ADCY8: variants seen among roughly 807,000 people sequenced by gnomAD.
ADCY8 encodes the protein adenylate cyclase 8.
Under a neutral mutation model 119.7 loss-of-function variants are expected in ADCY8, and 51 were observed. The ratio of observed to expected loss-of-function variants is 0.43; its 90% CI spans 0.34 to 0.54. The LOEUF is 0.54. Ranked by LOEUF, ADCY8 falls within the 20% of genes least tolerant of loss-of-function variation. ADCY8 has a pLI of 0.03. For missense variants in ADCY8, 1,383 were observed against 1,598.8 expected, an observed-to-expected ratio of 0.87 and a Z score of 2.30; for synonymous variants, 665 against 651.0, an observed-to-expected ratio of 1.02 and a Z score of -0.33.
intron 2 of ADCY8, among the ~76,000 whole-genome samples, chr8:130,971,292 G>A (rs1182798320): frequency 6.6e-6 from 1 of 152,168 alleles, no homozygotes; most frequent in East Asian, 1.9e-4. Flanking sequence ...ATTATTCCCA[G>A]TTACAGAAGC....
chr8:130,826,732 G>A (rs545197659), intron 12 of ADCY8, among the ~76,000 whole-genome samples: 11 of 149,586 alleles, frequency 7.4e-5, no homozygotes, highest in African/African-American at 2.4e-4. Context: ...GCCAGAAAGC[G>A]GAAACAGCAG....
intron 9 of ADCY8, among the ~76,000 whole-genome samples, chr8:130,850,057 CT>C (rs1272487454): frequency 6.6e-6 from 1 of 152,012 alleles, no homozygotes; most frequent in Admixed American, 6.5e-5. Flanking sequence ...TTTTTTCCCT[CT>C]TATTAATTTT....
intron 4 of ADCY8, among the ~76,000 whole-genome samples, chr8:130,941,996 C>A (rs1820970110): frequency 1.3e-5 from 2 of 152,142 alleles, no homozygotes; most frequent in Non-Finnish European, 2.9e-5. Context: ...ATAAAACAAC[C>A]ACCATAATAA....
intron 13 of ADCY8, among the ~76,000 whole-genome samples, chr8:130,817,298 T>A (rs263272): frequency 6.6e-6 from 1 of 152,114 alleles, no homozygotes; most frequent in African/African-American, 2.4e-5. Flanking sequence ...TATCACACTG[T>A]GAACTCATGA....
intron 12 of ADCY8, 97 bp from the exon 13 acceptor site, chr8:130,821,517 A>C (rs1466650438): frequency 9.3e-6 from 8 of 857,996 alleles, no homozygotes; most frequent in Non-Finnish European, 1.5e-5. Flanking sequence ...AAAAGAAAAA[A>C]ACACACATCT....
chr8:130,884,596 G>T lies in ADCY8; in HGVS notation c.2077C>A (p.Leu693Met), dbSNP rs761384414. The change falls in exon 8 of 18, where the codon CTG becomes ATG. Residue 693 changes from leucine (L) to methionine (M), a missense_variant. By Grantham distance (15) the Leu-to-Met change is conservative. Around this residue, in one of 2 missense-constraint regions of ADCY8, gnomAD observed 928 missense variants for 1,163.5 expected, o/e 0.80. Coordinates refer to ENST00000286355, the MANE Select transcript of ADCY8 (RefSeq NM_001115.3). ...LRREHIKPFS[L>M]MFKDSSLEHK... ...TCCAGGCTGGAGTCTTTAAACATCA[G>T]TGAGAATGGCTTGATATGCTCTCTT... The T allele has an allele frequency of 8.7e-6, 14 of 1,613,736 alleles. No homozygotes were observed. Among genetic ancestry groups the T allele is most frequent in the African/African-American group, 1.3e-5 (1 of 74,902 alleles).
At chr8:130,881,095 G>A (rs1477833577) in intron 8 of ADCY8, among the ~76,000 whole-genome samples, 1 of 152,178 alleles carries the variant, frequency 6.6e-6, no homozygotes, top group Non-Finnish European at 1.5e-5. Flanking sequence ...TTTGTTCTCT[G>A]CTGAAACTCC....
intron 1 of ADCY8, among the ~76,000 whole-genome samples, chr8:131,031,122 C>G (rs1462531115): frequency 1.3e-5 from 2 of 151,728 alleles, no homozygotes; most frequent in Non-Finnish European, 2.9e-5. Context: ...ATAGGATATT[C>G]CTATATATCT....
rs1161136558 is a variant in ADCY8, at chr8:130,992,382, C to CATATATAT, written c.961-1848_961-1841dup. 9.0e-3 allele frequency among the ~76,000 whole-genome samples: 700 copies of CATATATAT among 77,804 alleles called. 109 individuals carry two copies. The highest frequency in any genetic ancestry group is 0.024 in the African/African-American group (456 of 18,678). The allele number at this position is 77,804 out of a possible 152,430, so 51.0% of individuals were successfully genotyped here. A position where few individuals can be genotyped will look rare whatever the true frequency, so the allele number is the denominator to read the frequency against. On this transcript the variant is annotated intron_variant, in intron 1 of 17. Coordinates refer to ENST00000286355, the MANE Select transcript of ADCY8 (RefSeq NM_001115.3). ...TACATACATGAGCAACTGTATCTGG[C>CATATATAT]ATATATATATATATATATATATATA... is the stretch of plus-strand genomic sequence containing the variant.
At chr8:131,018,578 C>T (rs1470528146) in intron 1 of ADCY8, among the ~76,000 whole-genome samples, 3 of 152,198 alleles carry the variant, frequency 2.0e-5, no homozygotes, top group Admixed American at 6.5e-5. Flanking sequence ...CTGCAAGCTG[C>T]ACAATGACAG....
intron 1 of ADCY8, 148 bp from the exon 2 acceptor site, chr8:130,990,690 A>C: frequency 1.0e-6 from 1 of 991,396 alleles, no homozygotes; most frequent in Non-Finnish European, 1.4e-6. Flanking sequence ...TATGCCCTTC[A>C]TTCAGATCTT....
chr8:130,899,769 A>G (rs1819535161), intron 7 of ADCY8, among the ~76,000 whole-genome samples: 1 of 152,222 alleles, frequency 6.6e-6, no homozygotes, highest in Non-Finnish European at 1.5e-5. Flanking sequence ...CATGCAGCAG[A>G]AAAGGAAAAT....
At chr8:130,800,405 A>G in intron 15 of ADCY8, 21 bp downstream of exon 15, 3 of 1,613,914 alleles carry the variant, frequency 1.9e-6, no homozygotes, top group Non-Finnish European at 2.5e-6. Flanking sequence ...GTGATTGTAA[A>G]TGTCTCAGGC....
At chr8:131,021,854 T>C (rs1233775328) in intron 1 of ADCY8, among the ~76,000 whole-genome samples, 2 of 152,222 alleles carry the variant, frequency 1.3e-5, no homozygotes, top group African/African-American at 4.8e-5. Flanking sequence ...CAGTCTCAGG[T>C]ATGTCCTTAT....
chr8:130,915,033 G>A (rs1440222842), intron 5 of ADCY8, among the ~76,000 whole-genome samples: 2 of 152,156 alleles, frequency 1.3e-5, no homozygotes, highest in Admixed American at 1.3e-4. Context: ...TTGGGGAGGG[G>A]ATAACCCCCT....
At chr8:130,955,030 A>G (rs1821384530) in intron 2 of ADCY8, among the ~76,000 whole-genome samples, 1 of 152,242 alleles carries the variant, frequency 6.6e-6, no homozygotes, top group South Asian at 2.1e-4. Flanking sequence ...ACAAATATTT[A>G]TTGAGAACAT....
chr8:130,922,362 C>G (rs1034458178), intron 5 of ADCY8, among the ~76,000 whole-genome samples: 3 of 151,384 alleles, frequency 2.0e-5, no homozygotes, highest in Non-Finnish European at 4.4e-5. Context: ...TGCGGCCTTC[C>G]GCAGTGTTTG....
At chr8:130,923,423 C>A (rs920788585) in intron 5 of ADCY8, among the ~76,000 whole-genome samples, 4 of 152,184 alleles carry the variant, frequency 2.6e-5, no homozygotes, top group African/African-American at 9.7e-5. Context: ...GGCAGGGTGA[C>A]CCTGCCACAA....
intron 8 of ADCY8, among the ~76,000 whole-genome samples, chr8:130,872,466 T>C (rs1818402772): frequency 3.3e-5 from 5 of 152,186 alleles, no homozygotes; most frequent in Admixed American, 3.3e-4. Flanking sequence ...ATCTTGTTCA[T>C]AGGTGCATGA....
Sources: allele counts gnomAD v4.1 joint callset (sites outside exome capture counted in the v4.1 genomes callset), GRCh38; gene constraint gnomAD v4.1.1; regional missense constraint gnomAD v4.1.1; transcripts MANE v1.5; gene names NCBI Gene and HGNC (gene_info 2026-07-23, HGNC 2026-07-21).